MACC1: variants seen among roughly 807,000 people sequenced by gnomAD.
MACC1 encodes the protein metastasis-associated in colon cancer protein 1.
In MACC1, 79 loss-of-function variants were observed where a neutral mutation model predicts 70.7. The ratio of observed to expected loss-of-function variants is 1.12; its 90% CI spans 0.93 to 1.35. MACC1 has a LOEUF of 1.35. Among genes scored for constraint, MACC1 ranks in the 40% most tolerant of loss-of-function variants. MACC1 has a pLI of 0.00. For synonymous variants in MACC1, 361 were observed against 347.2 expected, an observed-to-expected ratio of 1.04 and a Z score of -0.44; for missense variants, 1,106 against 978.1, an observed-to-expected ratio of 1.13 and a Z score of -1.74.
intron 1 of MACC1, among the ~76,000 whole-genome samples, chr7:20,199,405 G>A (rs1207695511): frequency 1.3e-5 from 2 of 152,220 alleles, no homozygotes; most frequent in African/African-American, 2.4e-5. Context: ...ATGGAGAAGG[G>A]ACCTGGTGTG....
chr7:20,155,099 C>A (rs986064977), intron 5 of MACC1, among the ~76,000 whole-genome samples: 1 of 152,156 alleles, frequency 6.6e-6, no homozygotes, highest in African/African-American at 2.4e-5. Flanking sequence ...TCTTACCTAA[C>A]CATGCATGTT....
intron 1 of MACC1, among the ~76,000 whole-genome samples, chr7:20,197,048 C>G (rs6976332): frequency 1.3e-5 from 2 of 152,142 alleles, no homozygotes; most frequent in African/African-American, 4.8e-5. Context: ...TAGTGAGTGA[C>G]CAGGTCACCC....
intron 1 of MACC1, among the ~76,000 whole-genome samples, chr7:20,202,634 C>CT (rs1782849500): frequency 6.6e-6 from 1 of 152,140 alleles, no homozygotes; most frequent in Non-Finnish European, 1.5e-5. Context: ...GAACCAAAAA[C>CT]TTTTTGATTT....
rs117489402 is a variant in MACC1 at position 20,168,205 on chromosome 7, A to G, written c.-153+2509T>C. Reference sequence around the variant, plus strand: ...CTTAAAAATATGTTGAGAAATTTACAAATAGTCAAATAACACAATGAGTTT... The same window carrying G: ...CTTAAAAATATGTTGAGAAATTTACGAATAGTCAAATAACACAATGAGTTT... On this transcript the variant is annotated intron_variant, in intron 2 of 6. Coordinates refer to ENST00000400331, the MANE Select transcript of MACC1 (RefSeq NM_182762.4). Among the ~76,000 whole-genome samples the G allele has an allele frequency of 7.3e-3, 1,107 of 152,276 alleles. 27 individuals carry two copies. The highest frequency in any genetic ancestry group is 0.038 in the East Asian group (199 of 5,190).
intron 6 of MACC1, among the ~76,000 whole-genome samples, chr7:20,142,918 G>A (rs990959151): frequency 1.1e-4 from 17 of 152,220 alleles, no homozygotes; most frequent in African/African-American, 4.1e-4. Flanking sequence ...GTCTGCTAGT[G>A]ATTGAGTCTG....
At position 20,159,416 on chromosome 7, in the gene MACC1, A is replaced by C; in HGVS notation, c.945T>G (p.Gly315=). The change falls in exon 5 of 7, where the codon GGT becomes GGG. Residue 315 remains glycine, a synonymous_variant. Transcript: ENST00000400331. ...MTEMVCLHSL[G]KEGPFKVLSN... is the part of the protein sequence containing the mutation. ...TTAAAACTTTAAAAGGGCCTTCTTT[A>C]CCCAAGCTGTGTAAACACACCATTT... 2 of 1,614,030 alleles carry C rather than the reference A, an allele frequency of 1.2e-6. No homozygotes were observed. The highest frequency in any genetic ancestry group is 1.7e-6 in the Non-Finnish European group (2 of 1,180,022).
At chr7:20,175,634 T>C (rs1782379788) in intron 1 of MACC1, among the ~76,000 whole-genome samples, 1 of 152,166 alleles carries the variant, frequency 6.6e-6, no homozygotes, top group Admixed American at 6.5e-5. Flanking sequence ...CCTCTGGCAC[T>C]GGTAAATAAC....
chr7:20,198,890 G>C (rs1212916825), intron 1 of MACC1, among the ~76,000 whole-genome samples: 1 of 152,196 alleles, frequency 6.6e-6, no homozygotes, highest in African/African-American at 2.4e-5. Context: ...GATCCACCAA[G>C]GATGCCTAAC....
At chr7:20,185,431 T>C (rs536855097) in intron 1 of MACC1, among the ~76,000 whole-genome samples, 20 of 152,252 alleles carry the variant, frequency 1.3e-4, no homozygotes, top group African/African-American at 4.8e-4. Context: ...ACTCTTGGGA[T>C]TGGGTTGGAC....
rs201055277 is a variant in MACC1 at position 20,160,230 on chromosome 7, T to C, written c.131A>G (p.Asp44Gly). 8.9e-5 allele frequency: 140 copies of C among 1,566,692 alleles called. 1 individual carries two copies. Among genetic ancestry groups the C allele is most frequent in the Admixed American group, 2.0e-5 (1 of 49,482 alleles). ...AGCATCCGGCCAATTGTGAAGCAAGTCTGGGTCCTGGCATTCTTGTTATTT... is the reference window on the plus strand; with the variant it reads ...AGCATCCGGCCAATTGTGAAGCAAGCCTGGGTCCTGGCATTCTTGTTATTT... ...SCNITECQDPDLLHNWPDAFT... is the reference protein window; with the variant it reads ...SCNITECQDPGLLHNWPDAFT... The change falls in exon 5 of 7, where the codon GAC becomes GGC. Residue 44 changes from aspartate (D) to glycine (G), a missense_variant. Physicochemically the swap from Asp to Gly is moderately conservative, Grantham distance 94 (BLOSUM62 -1). Transcript: ENST00000400331.
At chr7:20,209,133 A>G (rs1197948502) in intron 1 of MACC1, among the ~76,000 whole-genome samples, 3 of 152,232 alleles carry the variant, frequency 2.0e-5, no homozygotes. Flanking sequence ...AACCTCTACT[A>G]GGGCAGGGAA....
chr7:20,204,703 A>C (rs1301748148), intron 1 of MACC1, among the ~76,000 whole-genome samples: 1 of 152,216 alleles, frequency 6.6e-6, no homozygotes, highest in Non-Finnish European at 1.5e-5. Context: ...AGGCGACTAC[A>C]GAAAAATAGG....
chr7:20,167,240 G>A (rs1782234674), intron 2 of MACC1, among the ~76,000 whole-genome samples: 1 of 151,404 alleles, frequency 6.6e-6, no homozygotes, highest in African/African-American at 2.4e-5. Flanking sequence ...CTGTCGCCCA[G>A]GCTGGAGTGC....
chr7:20,183,606 G>A (rs149717259), intron 1 of MACC1, among the ~76,000 whole-genome samples: 3 of 152,216 alleles, frequency 2.0e-5, no homozygotes, highest in African/African-American at 7.2e-5. Flanking sequence ...TTCATCAGAA[G>A]GAGAAATTCT....
chr7:20,148,595 GT>G (rs1781929433), intron 6 of MACC1, among the ~76,000 whole-genome samples: 3 of 152,104 alleles, frequency 2.0e-5, no homozygotes, highest in Admixed American at 2.0e-4. Flanking sequence ...TTGATTTTCA[GT>G]GTATAATATA....
chr7:20,155,455 G>A (rs1172685264), intron 5 of MACC1, among the ~76,000 whole-genome samples: 1 of 152,160 alleles, frequency 6.6e-6, no homozygotes, highest in Non-Finnish European at 1.5e-5. Flanking sequence ...AATGTTATGT[G>A]AATGTGGCCT....
In MACC1 at chr7:20,136,676, C is replaced by T. The variant is rs1479959723; in HGVS notation, c.*4270G>A. On this transcript the variant is annotated 3_prime_UTR_variant, in exon 7 of 7. Transcript: ENST00000400331. Reference sequence around the variant, plus strand: ...TCTGAAAAAATGTCTTTGGATTATCCCACCAATCATATTGATGTTCTTTAG... The same window carrying T: ...TCTGAAAAAATGTCTTTGGATTATCTCACCAATCATATTGATGTTCTTTAG... The T allele has an allele frequency of 6.6e-6, 1 of 151,784 alleles. No homozygotes were observed. Among genetic ancestry groups the T allele is most frequent in the Non-Finnish European group, 1.5e-5 (1 of 67,964 alleles). The allele number at this position is 151,784 out of a possible 1,614,324, so 9.4% of individuals were successfully genotyped here.
chr7:20,143,563 GTA>G (rs1781840027), intron 6 of MACC1, among the ~76,000 whole-genome samples: 1 of 152,086 alleles, frequency 6.6e-6, no homozygotes, highest in African/African-American at 2.4e-5. Flanking sequence ...TAATTTTTTT[GTA>G]TTTTTAGTAG....
rs751284149 is a variant in MACC1 at position 20,154,222 on chromosome 7, G to A, written c.2317C>T (p.Arg773Ter). ...QQMEAYEIPH[R>*]GNTGDVAVEM... Reference sequence around the variant, plus strand: ...ACAGCAACATCTCCAGTGTTTCCTCGATGAGGAATTTCATATGCCTCCATT... The same window carrying A: ...ACAGCAACATCTCCAGTGTTTCCTCAATGAGGAATTTCATATGCCTCCATT... Residue 773 changes from arginine (R) to a stop codon, truncating the protein, a stop_gained, in exon 6 of 7, where the codon CGA (arginine) becomes TGA (stop). Coordinates refer to ENST00000400331, the MANE Select transcript of MACC1 (RefSeq NM_182762.4). LOFTEE classifies it high-confidence loss of function. 7.8e-5 allele frequency: 126 copies of A among 1,613,790 alleles called. 1 individual carries two copies. The highest frequency in any genetic ancestry group is 9.2e-5 in the Non-Finnish European group (108 of 1,179,888).
Sources: gnomAD v4.1 joint callset for allele counts (sites outside exome capture counted in the v4.1 genomes callset) on GRCh38, gnomAD v4.1.1 for gene constraint, MANE v1.5 for transcripts, NCBI Gene and HGNC (gene_info 2026-07-23, HGNC 2026-07-21) for gene names.